Variants in TSPAN9 observed in about 807,000 individuals in gnomAD.
The protein encoded by TSPAN9 is tetraspanin-9.
TSPAN9 carries 16 observed loss-of-function variants against 31.0 expected under a neutral mutation model. The ratio of observed to expected loss-of-function variants is 0.52; its 90% CI spans 0.35 to 0.78. The LOEUF (loss-of-function observed/expected upper bound fraction) is 0.78. Among genes scored for constraint, TSPAN9 ranks in the 30% least tolerant of loss-of-function variants. The pLI is 0.01. For missense variants in TSPAN9, 272 were observed against 312.5 expected (o/e 0.87, Z 0.98); for synonymous variants, 145 against 121.6 (o/e 1.19, Z -1.27).
rs532003620 is a variant in TSPAN9 at position 3,187,892 on chromosome 12, C to G, written c.-17-13285C>G. ...CAGTCCTTGCATGTACTCAGGGGTACTTCTGTCCCACCCTTTCATTTGATT... is the reference window on the plus strand; with the variant it reads ...CAGTCCTTGCATGTACTCAGGGGTAGTTCTGTCCCACCCTTTCATTTGATT... On this transcript the variant is annotated intron_variant, in intron 2 of 8. Transcript: ENST00000011898. The surrounding 1 kb of genome is among the most constrained non-coding windows in gnomAD (Gnocchi z 5.2). Among the ~76,000 whole-genome samples the G allele has an allele frequency of 2.4e-4, 37 of 152,284 alleles. No homozygotes were observed. The highest frequency in any genetic ancestry group is 7.9e-4 in the African/African-American group (33 of 41,570).
At chr12:3,225,463 G>A (rs549374318) in intron 3 of TSPAN9, among the ~76,000 whole-genome samples, 6 of 152,272 alleles carry the variant, frequency 3.9e-5, no homozygotes, top group Admixed American at 2.0e-4. Flanking sequence ...TCACACTCAC[G>A]GTGGGGAGTG....
intron 2 of TSPAN9, among the ~76,000 whole-genome samples, chr12:3,167,004 C>T (rs570231006): frequency 6.6e-6 from 1 of 151,936 alleles, no homozygotes; most frequent in South Asian, 2.1e-4. Flanking sequence ...ACCATGTTGG[C>T]CAGGCTGGTC....
intron 3 of TSPAN9, among the ~76,000 whole-genome samples, chr12:3,218,757 C>T (rs1157766609): frequency 6.6e-6 from 1 of 152,222 alleles, no homozygotes; most frequent in Non-Finnish European, 1.5e-5. Context: ...GTGATTAAGA[C>T]ATCACCAGCT....
At chr12:3,203,517 C>T (rs554169654) in intron 3 of TSPAN9, among the ~76,000 whole-genome samples, 114 of 152,312 alleles carry the variant, frequency 7.5e-4, no homozygotes, top group South Asian at 2.9e-3. Context: ...AATATATTTT[C>T]GTTACGGTTG....
At chr12:3,258,211 T>C (rs139424621) in intron 3 of TSPAN9, among the ~76,000 whole-genome samples, 33 of 152,186 alleles carry the variant, frequency 2.2e-4, no homozygotes, top group African/African-American at 7.9e-4. Flanking sequence ...TTTGACAGTG[T>C]AGGGGTCTCC....
intron 3 of TSPAN9, among the ~76,000 whole-genome samples, chr12:3,268,441 C>T (rs369603679): frequency 0.11 from 4,950 of 44,618 alleles, 1 homozygote; most frequent in East Asian, 0.35. Context: ...GCCTGCCCTC[C>T]GTGCGTTCCT....
At chr12:3,219,694 C>T (rs1447981701) in intron 3 of TSPAN9, among the ~76,000 whole-genome samples, 1 of 152,042 alleles carries the variant, frequency 6.6e-6, no homozygotes, top group East Asian at 1.9e-4. Flanking sequence ...ACATCACACA[C>T]CCTGGGGCCT....
chr12:3,268,179 CGTGCGTTCCTGCAGCCTGCCCTCT>C (rs1481404401), intron 3 of TSPAN9, among the ~76,000 whole-genome samples: 3 of 122,352 alleles, frequency 2.5e-5, no homozygotes, highest in African/African-American at 9.2e-5. Flanking sequence ...GCCTACCCTC[CGTGCGTTCCTGCAGCCTGCCCTCT>C]GTGCGTTCCT....
chr12:3,105,838 A>G (rs964192278), intron 2 of TSPAN9, among the ~76,000 whole-genome samples: 8 of 122,696 alleles, frequency 6.5e-5, no homozygotes, highest in Non-Finnish European at 1.3e-4. Context: ...ACACTTTCAT[A>G]CACACGCTCA....
At chr12:3,184,467 A>AT (rs2098360117) in intron 2 of TSPAN9, among the ~76,000 whole-genome samples, 1 of 152,110 alleles carries the variant, frequency 6.6e-6, no homozygotes, top group Non-Finnish European at 1.5e-5. Context: ...GAGAAAAAAA[A>AT]GAAAGAGTCC....
At chr12:3,174,452 A>C (rs1369518085) in intron 2 of TSPAN9, among the ~76,000 whole-genome samples, 1 of 152,246 alleles carries the variant, frequency 6.6e-6, no homozygotes, top group Non-Finnish European at 1.5e-5. Flanking sequence ...TGTGTGTTAG[A>C]AAATGAAGAG....
chr12:3,131,254 C>G (rs12321327), intron 2 of TSPAN9, among the ~76,000 whole-genome samples: 77,400 of 151,694 alleles, frequency 0.51, 21,919 homozygotes, highest in Admixed American at 0.61. Context: ...AGTTTTTACC[C>G]AGGCACCGCG....
intron 2 of TSPAN9, among the ~76,000 whole-genome samples, chr12:3,100,955 G>A (rs2098311607): frequency 6.6e-6 from 1 of 152,208 alleles, no homozygotes; most frequent in South Asian, 2.1e-4. Context: ...CATGCTTCAT[G>A]GTTACTAAGA....
chr12:3,115,480 C>T (rs1246227706), intron 2 of TSPAN9, among the ~76,000 whole-genome samples: 2 of 152,158 alleles, frequency 1.3e-5, no homozygotes. Flanking sequence ...TTAGCTCAGG[C>T]TGCTGTATAT....
chr12:3,196,203 T>C (rs2098366999), intron 2 of TSPAN9, among the ~76,000 whole-genome samples: 1 of 152,174 alleles, frequency 6.6e-6, no homozygotes, highest in Non-Finnish European at 1.5e-5. Flanking sequence ...CTCTACCACC[T>C]TCCCCCTAAG....
chr12:3,119,037 C>T lies in TSPAN9; in HGVS notation c.-18+35318C>T, dbSNP rs183705794. 1.2e-3 allele frequency among the ~76,000 whole-genome samples: 180 copies of T among 152,302 alleles called. 1 individual carries two copies. Among genetic ancestry groups the T allele is most frequent in the African/African-American group, 4.1e-3 (171 of 41,562 alleles). On this transcript the variant is annotated intron_variant, in intron 2 of 8. Transcript: ENST00000011898. The stretch of plus-strand genomic sequence containing the variant: ...CTTAGCACCGCCTTTGGGACACTAT[C>T]AGCAGATGCAACCCCTTGGGCTGTA...
chr12:3,105,787 C>CACACTCACGCACACGCTCAT (rs1402100626), intron 2 of TSPAN9, among the ~76,000 whole-genome samples: 38 of 149,764 alleles, frequency 2.5e-4, no homozygotes, highest in Non-Finnish European at 1.2e-4. Flanking sequence ...CACGCTCATA[C>CACACTCACGCACACGCTCAT]ACACTCACGC....
At chr12:3,255,599 A>T (rs1447812486) in intron 3 of TSPAN9, among the ~76,000 whole-genome samples, 1 of 152,194 alleles carries the variant, frequency 6.6e-6, no homozygotes, top group Admixed American at 6.5e-5. Flanking sequence ...AATTCCATGG[A>T]AGCACCAATG....
At chr12:3,256,618 T>G (rs1862351448) in intron 3 of TSPAN9, among the ~76,000 whole-genome samples, 1 of 152,200 alleles carries the variant, frequency 6.6e-6, no homozygotes, top group South Asian at 2.1e-4. Flanking sequence ...GATTGGCATT[T>G]CTTGAGCTGG....
Sources: allele counts gnomAD v4.1 joint callset (sites outside exome capture counted in the v4.1 genomes callset), GRCh38; gene constraint gnomAD v4.1.1; non-coding constraint Gnocchi (gnomAD v3.1); transcripts MANE v1.5; gene names NCBI Gene and HGNC (gene_info 2026-07-23, HGNC 2026-07-21).